ADGRD1: variants seen among roughly 807,000 people sequenced by gnomAD.
ADGRD1 encodes adhesion G protein-coupled receptor D1.
ADGRD1 carries 77 observed loss-of-function variants against 113.4 expected under a neutral mutation model. The observed-to-expected ratio is 0.68, with a 90% CI of 0.57 to 0.82. ADGRD1 has a LOEUF of 0.82. Among genes scored for constraint, ADGRD1 ranks in the 40% least tolerant of loss-of-function variants. The pLI is 0.00. For synonymous variants in ADGRD1, 474 were observed against 475.0 expected, an observed-to-expected ratio of 1.00 and a Z score of 0.03; for missense variants, 1,036 against 1,139.1, an observed-to-expected ratio of 0.91 and a Z score of 1.30.
At chr12:131,002,082 C>G (rs556516499) in intron 9 of ADGRD1, among the ~76,000 whole-genome samples, 2 of 152,236 alleles carry the variant, frequency 1.3e-5, no homozygotes, top group Non-Finnish European at 2.9e-5. Flanking sequence ...GGTTTGACCT[C>G]TTTCATGATT....
At chr12:131,089,831 C>T (rs1886783363) in intron 15 of ADGRD1, among the ~76,000 whole-genome samples, 1 of 152,254 alleles carries the variant, frequency 6.6e-6, no homozygotes, top group African/African-American at 2.4e-5. Context: ...CAGAGCCCAG[C>T]CTTGAGCCAA....
At chr12:130,963,047 G>T (rs139736862) in intron 2 of ADGRD1, 104 of 152,278 alleles carry the variant, frequency 6.8e-4, no homozygotes, top group African/African-American at 2.5e-3. Context: ...GAGGCCTGGC[G>T]CGGTGGCTCA....
rs934016309 is a variant in ADGRD1 at position 131,099,200 on chromosome 12, C to G, written c.1672-5631C>G. On this transcript the variant is annotated intron_variant, in intron 15 of 24. Coordinates refer to ENST00000261654, the MANE Select transcript of ADGRD1 (RefSeq NM_198827.5). ...ACATCACTCTGGTCTAGAAGGCTGTCTCCTGTCCTGTCTGTCAGGTTCCTG... is the reference window on the plus strand; with the variant it reads ...ACATCACTCTGGTCTAGAAGGCTGTGTCCTGTCCTGTCTGTCAGGTTCCTG... Among the ~76,000 whole-genome samples the G allele has an allele frequency of 2.6e-5, 4 of 152,336 alleles. No individual in the cohort carries two copies. In the South Asian group the frequency reaches 6.2e-4, roughly 24 times the overall value.
At position 131,108,797 on chromosome 12, in the gene ADGRD1, G is replaced by A. The variant is rs1453980267; in HGVS notation, c.1961G>A (p.Gly654Glu). Residue 654 changes from glycine (G) to glutamate (E), a missense_variant, in exon 18 of 25, where the codon GGG becomes GAG. By Grantham distance (98) the Gly-to-Glu change is moderately conservative. Transcript: ENST00000261654. ...LSAFAWMLVEGLHLYSMVIKV... is the reference protein window; with the variant it reads ...LSAFAWMLVEELHLYSMVIKV... The stretch of plus-strand genomic sequence containing the variant: ...GCCTTCGCATGGATGCTGGTGGAGG[G>A]GCTGCACCTCTACAGCATGGTGATC... The A allele has an allele frequency of 6.2e-7, 1 of 1,613,984 alleles. No homozygotes were observed. The highest frequency in any genetic ancestry group is 8.5e-7 in the Non-Finnish European group (1 of 1,179,978).
chr12:130,983,760 C>A (rs952978385), intron 5 of ADGRD1, among the ~76,000 whole-genome samples: 7 of 152,088 alleles, frequency 4.6e-5, no homozygotes, highest in Admixed American at 4.6e-4. Flanking sequence ...AGCAAGAAGC[C>A]CTGATGTCAT....
At chr12:130,960,933 G>A (rs1870276313) in intron 2 of ADGRD1, among the ~76,000 whole-genome samples, 1 of 152,198 alleles carries the variant, frequency 6.6e-6, no homozygotes. Context: ...CACAAAACGT[G>A]GGGATCAGCA....
At position 131,096,549 on chromosome 12, in the gene ADGRD1, G is replaced by T. The variant is rs1432494536; in HGVS notation, c.1672-8282G>T. Among the ~76,000 whole-genome samples, 1 of 152,202 alleles carries T rather than the reference G, an allele frequency of 6.6e-6. No homozygotes were observed. Among genetic ancestry groups the T allele is most frequent in the Non-Finnish European group, 1.5e-5 (1 of 68,044 alleles). On this transcript the variant is annotated intron_variant, in intron 15 of 24. Coordinates refer to ENST00000261654, the MANE Select transcript of ADGRD1 (RefSeq NM_198827.5). This position sits in a 1 kb window ranked among gnomAD's most constrained non-coding sequence, Gnocchi z 5.2. The stretch of plus-strand genomic sequence containing the variant: ...ACTGAAGTCATGGTGGTCTTTGGCC[G>T]CAGCAAATAACCAGCATCCTATGCA...
chr12:130,963,180 C>T (rs952822280), intron 2 of ADGRD1, among the ~76,000 whole-genome samples: 5 of 151,872 alleles, frequency 3.3e-5, no homozygotes, highest in Non-Finnish European at 5.9e-5. Flanking sequence ...ATTAGCCAGG[C>T]GTGGTGGCGG....
At chr12:131,101,009 G>C (rs1270383351) in intron 15 of ADGRD1, among the ~76,000 whole-genome samples, 1 of 152,212 alleles carries the variant, frequency 6.6e-6, no homozygotes, top group Non-Finnish European at 1.5e-5. Flanking sequence ...ATTGTTCCCA[G>C]TACTGCTCAC....
rs765537797 is a variant in ADGRD1 at position 131,120,843 on chromosome 12, G to A, written c.2109-4G>A. 7 of 1,614,056 alleles carry A rather than the reference G, an allele frequency of 4.3e-6. No homozygotes were observed. The highest frequency in any genetic ancestry group is 1.6e-4 in the Middle Eastern group (1 of 6,084). Reference sequence around the variant, plus strand: ...TGAAGTAACGGCTCTGCTTCCCTCCGCAGTTGCTGGCTGTCGTTGGCGAGT... The same window carrying A: ...TGAAGTAACGGCTCTGCTTCCCTCCACAGTTGCTGGCTGTCGTTGGCGAGT... On this transcript the variant is annotated splice_polypyrimidine_tract_variant and splice_region_variant and intron_variant, in intron 19 of 24. Transcript: ENST00000261654.
intron 3 of ADGRD1, chr12:130,969,400 C>A: frequency 3.8e-6 from 1 of 260,874 alleles, no homozygotes; most frequent in East Asian, 1.1e-4. Context: ...CAGCTGCTCC[C>A]TATCGCTCAC....
At chr12:131,073,719 A>G (rs1315076764) in intron 13 of ADGRD1, among the ~76,000 whole-genome samples, 1 of 152,124 alleles carries the variant, frequency 6.6e-6, no homozygotes, top group Non-Finnish European at 1.5e-5. Context: ...TGTCTGGTGA[A>G]CACCTTGTGC....
chr12:131,098,674 A>G (rs1319439377), intron 15 of ADGRD1, among the ~76,000 whole-genome samples: 1 of 152,142 alleles, frequency 6.6e-6, no homozygotes, highest in African/African-American at 2.4e-5. Flanking sequence ...TGTGAGGGCC[A>G]CCATCCCTCT....
chr12:131,076,942 C>A, intron 14 of ADGRD1, 68 bp downstream of exon 14: 1 of 1,268,160 alleles, frequency 7.9e-7, no homozygotes, highest in Non-Finnish European at 1.2e-6. Flanking sequence ...CCATGCCAGC[C>A]CAGGGGAGGA....
intron 18 of ADGRD1, among the ~76,000 whole-genome samples, chr12:131,111,282 G>T (rs1412835483): frequency 6.6e-6 from 1 of 151,734 alleles, no homozygotes; most frequent in Admixed American, 6.6e-5. Flanking sequence ...TGTAGAGACA[G>T]AGTTTCTCCA....
At chr12:130,997,000 A>G (rs1309415) in intron 8 of ADGRD1, among the ~76,000 whole-genome samples, 46 of 91,738 alleles carry the variant, frequency 5.0e-4, no homozygotes, top group Non-Finnish European at 6.1e-4. Flanking sequence ...GCGGCTGGCC[A>G]GGCGGGGGGC....
chr12:131,000,676 G>A (rs948094717), intron 9 of ADGRD1, among the ~76,000 whole-genome samples: 1 of 151,100 alleles, frequency 6.6e-6, no homozygotes, highest in South Asian at 2.1e-4. Context: ...GGGAGGCGGA[G>A]GTTGCAGTGA....
chr12:131,101,091 T>G (rs1950061550), intron 15 of ADGRD1, among the ~76,000 whole-genome samples: 1 of 152,124 alleles, frequency 6.6e-6, no homozygotes, highest in Non-Finnish European at 1.5e-5. Flanking sequence ...CCCGTGTCCC[T>G]GGGGGAGAGA....
chr12:131,067,705 G>A (rs1884834941), intron 13 of ADGRD1, among the ~76,000 whole-genome samples: 1 of 80,720 alleles, frequency 1.2e-5, no homozygotes, highest in Non-Finnish European at 2.7e-5. Context: ...TTCTGAGCAG[G>A]GGCTGCCCTC....
Sources: gnomAD v4.1 joint callset for allele counts (sites outside exome capture counted in the v4.1 genomes callset) on GRCh38, gnomAD v4.1.1 for gene constraint, Gnocchi (gnomAD v3.1) non-coding constraint, MANE v1.5 for transcripts, NCBI Gene and HGNC (gene_info 2026-07-23, HGNC 2026-07-21) for gene names.